CTNNA3: variants seen among roughly 807,000 people sequenced by gnomAD.
CTNNA3 encodes the protein catenin alpha-3.
In CTNNA3, 76 loss-of-function variants were observed where a neutral mutation model predicts 95.7. The ratio of observed to expected loss-of-function variants is 0.79; its 90% confidence interval spans 0.66 to 0.96. CTNNA3 has a LOEUF of 0.96. CTNNA3 is among the 40% of genes least tolerant of loss of function. The pLI, the probability that CTNNA3 is intolerant of heterozygous loss-of-function variation, is 0.00. For missense variants in CTNNA3, 1,191 were observed against 1,089.8 expected, an observed-to-expected ratio of 1.09 and a Z score of -1.31; for synonymous variants, 431 against 374.4, an observed-to-expected ratio of 1.15 and a Z score of -1.74.
chr10:66,466,339 T>TATACAC (rs753509503), intron 11 of CTNNA3, among the ~76,000 whole-genome samples: 6 of 141,770 alleles, frequency 4.2e-5, no homozygotes, highest in African/African-American at 1.6e-4. Context: ...CACCCACCTA[T>TATACAC]ACACACACAC....
At chr10:67,482,606 T>A (rs1848278085) in intron 5 of CTNNA3, among the ~76,000 whole-genome samples, 1 of 152,206 alleles carries the variant, frequency 6.6e-6, no homozygotes, top group Non-Finnish European at 1.5e-5. Flanking sequence ...TTTTGTATCC[T>A]GAGATTTTGC....
intron 17 of CTNNA3, among the ~76,000 whole-genome samples, chr10:65,925,228 T>G (rs989629193): frequency 6.6e-6 from 1 of 152,154 alleles, no homozygotes; most frequent in Non-Finnish European, 1.5e-5. Flanking sequence ...GCCCCTCATA[T>G]TCCCACTTGT....
chr10:66,073,638 T>C (rs543771904), intron 14 of CTNNA3, among the ~76,000 whole-genome samples: 4 of 152,132 alleles, frequency 2.6e-5, no homozygotes, highest in Admixed American at 2.0e-4. Context: ...TTTTATCCTT[T>C]ATCACATCCA....
rs192320976 is a variant in CTNNA3, at chr10:66,489,480, G to A, written c.1531+31137C>T. 2.4e-3 allele frequency among the ~76,000 whole-genome samples: 360 copies of A among 152,096 alleles called. 4 individuals carry two copies. The highest frequency in any genetic ancestry group is 9.7e-4 in the East Asian group (5 of 5,164). On this transcript the variant is annotated intron_variant, in intron 11 of 17. Coordinates refer to ENST00000433211, the MANE Select transcript of CTNNA3 (RefSeq NM_013266.4). ...GAATTACAGAAATTATAAAGGGGAG[G>A]AAATTTAACGCTTAAAGAATAAAAA...
chr10:67,711,034 G>A (rs1841104300), intron 1 of CTNNA3, among the ~76,000 whole-genome samples: 1 of 152,152 alleles, frequency 6.6e-6, no homozygotes, highest in Non-Finnish European at 1.5e-5. Context: ...TTAAAAAGGG[G>A]AGTTTCCCTG....
At chr10:66,253,425 A>G (rs1209188350) in intron 13 of CTNNA3, among the ~76,000 whole-genome samples, 1 of 152,086 alleles carries the variant, frequency 6.6e-6, no homozygotes, top group Non-Finnish European at 1.5e-5. Context: ...TCATTTTACT[A>G]TACCACAAGC....
chr10:66,920,379 A>C (rs74141733), intron 7 of CTNNA3, among the ~76,000 whole-genome samples: 3,879 of 152,286 alleles, frequency 0.025, 100 homozygotes, highest in African/African-American at 0.07. Flanking sequence ...ATATGCAATA[A>C]ACAGTACATG....
intron 5 of CTNNA3, among the ~76,000 whole-genome samples, chr10:67,391,253 C>T (rs1844469567): frequency 6.6e-6 from 1 of 151,934 alleles, no homozygotes; most frequent in African/African-American, 2.4e-5. Flanking sequence ...CATTCTTATA[C>T]ACCAACAACA....
At chr10:67,303,357 A>G (rs749110795) in intron 5 of CTNNA3, among the ~76,000 whole-genome samples, 6 of 152,216 alleles carry the variant, frequency 3.9e-5, no homozygotes. Context: ...CCAGTTGTCA[A>G]CCTGGACTCC....
chr10:66,065,400 A>C (rs1183009223), intron 15 of CTNNA3, among the ~76,000 whole-genome samples: 3 of 152,036 alleles, frequency 2.0e-5, no homozygotes, highest in Non-Finnish European at 2.9e-5. Context: ...AAATCTTGTC[A>C]TGATCATTAG....
chr10:67,079,933 G>A (rs887861571), intron 7 of CTNNA3, among the ~76,000 whole-genome samples: 3 of 150,582 alleles, frequency 2.0e-5, no homozygotes, highest in East Asian at 1.9e-4. Context: ...ACACACAGCA[G>A]CATGTAAGAA....
chr10:66,150,225 T>C (rs1156515126), intron 13 of CTNNA3, among the ~76,000 whole-genome samples: 2 of 152,200 alleles, frequency 1.3e-5, no homozygotes, highest in Non-Finnish European at 2.9e-5. Flanking sequence ...TGAGATCTGA[T>C]GGTTTTAAAA....
At chr10:67,262,027 T>C (rs1866633363) in intron 5 of CTNNA3, among the ~76,000 whole-genome samples, 1 of 152,182 alleles carries the variant, frequency 6.6e-6, no homozygotes, top group Admixed American at 6.5e-5. Flanking sequence ...CAATACACTT[T>C]AATGATGCAT....
intron 13 of CTNNA3, among the ~76,000 whole-genome samples, chr10:66,170,139 T>C (rs1272615863): frequency 6.6e-6 from 1 of 151,992 alleles, no homozygotes; most frequent in Non-Finnish European, 1.5e-5. Flanking sequence ...TCTTCTACAA[T>C]TTTTATAGTT....
chr10:66,036,324 C>A (rs988444942), intron 15 of CTNNA3, among the ~76,000 whole-genome samples: 1 of 152,092 alleles, frequency 6.6e-6, no homozygotes, highest in Non-Finnish European at 1.5e-5. Flanking sequence ...AGTCTCTAGA[C>A]GGCGAAAACC....
chr10:66,753,167 T>C (rs57178272), intron 9 of CTNNA3, among the ~76,000 whole-genome samples: 3,555 of 152,268 alleles, frequency 0.023, 127 homozygotes, highest in African/African-American at 0.08. Flanking sequence ...CTTGCAGCTG[T>C]GTAAGACATG....
intron 15 of CTNNA3, among the ~76,000 whole-genome samples, chr10:66,033,249 G>A (rs1362336342): frequency 6.7e-6 from 1 of 149,672 alleles, no homozygotes; most frequent in Non-Finnish European, 1.5e-5. Flanking sequence ...TCCTGCCTCA[G>A]CCTCCCAAGT....
chr10:66,069,409 C>T lies in CTNNA3; in HGVS notation c.2058G>A (p.Lys686=), dbSNP rs745562600. ...CCCATATCTCAATCTCAGCATCCAG[C>T]TTACTCTTTACTTTCTTGAAATCAG... ...QVADFKKVKS[K]LDAEIEIWDD... The change falls in exon 15 of 18, where the codon AAG becomes AAA. Residue 686 remains lysine, a synonymous_variant. Transcript: ENST00000433211. 3.1e-6 allele frequency: 5 copies of T among 1,613,554 alleles called. No homozygotes were observed. Among genetic ancestry groups the T allele is most frequent in the Admixed American group, 3.3e-5 (2 of 59,968 alleles).
intron 5 of CTNNA3, among the ~76,000 whole-genome samples, chr10:67,405,396 T>C (rs1420322157): frequency 6.6e-6 from 1 of 152,070 alleles, no homozygotes; most frequent in African/African-American, 2.4e-5. Flanking sequence ...ATTGCAATCC[T>C]AGCATCTAAC....
Sources: gnomAD v4.1 joint callset for allele counts (sites outside exome capture counted in the v4.1 genomes callset) on GRCh38, gnomAD v4.1.1 for gene constraint, MANE v1.5 for transcripts, NCBI Gene and HGNC (gene_info 2026-07-23, HGNC 2026-07-21) for gene names.